LRP1B: variants seen among roughly 807,000 people sequenced by gnomAD.
LRP1B encodes the protein LDL receptor related protein 1B, also known as low-density lipoprotein receptor-related protein 1B.
A neutral mutation model predicts 556.6 loss-of-function variants in LRP1B; 217 were observed. That is an observed-to-expected ratio of 0.39 (90% CI 0.35 to 0.44). LRP1B has a LOEUF of 0.44. LRP1B is among the 20% of genes least tolerant of loss of function. The probability of loss-of-function intolerance (pLI) is 1.00; values close to 1 mark genes in which losing one functional copy is unlikely to be tolerated. For missense variants in LRP1B, 5,053 were observed against 5,620.8 expected (o/e 0.90, Z 3.23); for synonymous variants, 2,047 against 1,865.8 (o/e 1.10, Z -2.50).
chr2:141,891,150 A>C (rs971330884), intron 1 of LRP1B, among the ~76,000 whole-genome samples: 1 of 152,038 alleles, frequency 6.6e-6, no homozygotes, highest in South Asian at 2.1e-4. Flanking sequence ...CCTTTTTTTT[A>C]AACAACTTTT....
intron 3 of LRP1B, among the ~76,000 whole-genome samples, chr2:141,432,365 T>G (rs745871485): frequency 6.6e-6 from 1 of 152,124 alleles, no homozygotes; most frequent in Admixed American, 6.6e-5. Context: ...GATTTTTGCC[T>G]CTATATTCAT....
At chr2:141,426,688 G>A (rs183059140) in intron 3 of LRP1B, among the ~76,000 whole-genome samples, 114 of 152,244 alleles carry the variant, frequency 7.5e-4, no homozygotes, top group Admixed American at 6.7e-3. Context: ...CATTTCAAAG[G>A]TGAAGTACTT....
intron 2 of LRP1B, among the ~76,000 whole-genome samples, chr2:141,602,773 CTTTAA>C (rs1217455498): frequency 6.6e-6 from 1 of 152,076 alleles, no homozygotes; most frequent in African/African-American, 2.4e-5. Context: ...ACTGTTTTTA[CTTTAA>C]AAGATAATTT....
chr2:141,756,973 A>G (rs1159974656), intron 2 of LRP1B, among the ~76,000 whole-genome samples: 1 of 152,140 alleles, frequency 6.6e-6, no homozygotes, highest in Non-Finnish European at 1.5e-5. Context: ...GCAAATACAC[A>G]CAAATATGTA....
chr2:141,411,683 C>T (rs1690857900), intron 3 of LRP1B, among the ~76,000 whole-genome samples: 1 of 152,220 alleles, frequency 6.6e-6, no homozygotes, highest in East Asian at 1.9e-4. Flanking sequence ...GTTGAAACAA[C>T]AAATTCACTT....
chr2:141,668,617 G>C lies in LRP1B; in HGVS notation c.205+141662C>G, dbSNP rs190846691. 9.9e-4 allele frequency among the ~76,000 whole-genome samples: 150 copies of C among 152,208 alleles called. 1 individual carries two copies. Among genetic ancestry groups the C allele is most frequent in the African/African-American group, 3.4e-3 (143 of 41,528 alleles). ...ATCTTCCCACTCTATCCTCTTTCCA[G>C]CTCCCTGTCCATCTCACTGAGAGCC... On this transcript the variant is annotated intron_variant, in intron 2 of 90. Coordinates refer to ENST00000389484, the MANE Select transcript of LRP1B (RefSeq NM_018557.3).
At chr2:140,313,627 T>C (rs957757562) in intron 83 of LRP1B, among the ~76,000 whole-genome samples, 9 of 151,886 alleles carry the variant, frequency 5.9e-5, no homozygotes, top group Admixed American at 2.0e-4. Context: ...AATTAAATAA[T>C]AAAATTTCCA....
chr2:140,996,217 CATT>C (rs1697241223), intron 15 of LRP1B, among the ~76,000 whole-genome samples: 1 of 151,920 alleles, frequency 6.6e-6, no homozygotes, highest in South Asian at 2.1e-4. Flanking sequence ...CGTAAGGCAT[CATT>C]AATTGTAATA....
intron 3 of LRP1B, among the ~76,000 whole-genome samples, chr2:141,356,655 A>G (rs1262998107): frequency 6.6e-6 from 1 of 151,922 alleles, no homozygotes; most frequent in Non-Finnish European, 1.5e-5. Context: ...TCAAATAAAT[A>G]CCTTGGCTAA....
intron 5 of LRP1B, among the ~76,000 whole-genome samples, chr2:141,246,746 C>T (rs1266434143): frequency 1.3e-5 from 2 of 152,132 alleles, no homozygotes; most frequent in African/African-American, 2.4e-5. Context: ...GGGTGAATCG[C>T]CTGAGGCCAG....
chr2:140,322,098 C>T lies in LRP1B; in HGVS notation c.12515-10G>A. Reference sequence around the variant, plus strand: ...AAGCATGGATTGGGTACTGGTGAAACAAAAGAAAACAAAGAAGTGTGTAAA... The same window carrying T: ...AAGCATGGATTGGGTACTGGTGAAATAAAAGAAAACAAAGAAGTGTGTAAA... On this transcript the variant is annotated splice_polypyrimidine_tract_variant and intron_variant, in intron 81 of 90. Transcript: ENST00000389484. 6.2e-7 allele frequency: 1 copy of T among 1,607,320 alleles called. No homozygotes were observed. The highest frequency in any genetic ancestry group is 8.5e-7 in the Non-Finnish European group (1 of 1,177,404).
At chr2:140,444,222 C>T in intron 65 of LRP1B, 108 bp downstream of exon 65, 1 of 1,188,804 alleles carries the variant, frequency 8.4e-7, no homozygotes, top group Non-Finnish European at 1.2e-6. Context: ...ACCATAATTT[C>T]TTTTCAATTT....
intron 2 of LRP1B, among the ~76,000 whole-genome samples, chr2:141,528,679 T>A (rs1559122948): frequency 6.6e-6 from 1 of 152,170 alleles, no homozygotes; most frequent in Non-Finnish European, 1.5e-5. Flanking sequence ...TAGGACTTTA[T>A]CATCTGAATT....
In LRP1B at chr2:141,055,080, G is replaced by T. The variant is rs1368553306; in HGVS notation, c.1552+36C>A. 5 of 1,607,888 alleles carry T rather than the reference G, an allele frequency of 3.1e-6. No individual in the cohort carries two copies. The African/African-American group carries it at 4.0e-5, about 13-fold the overall frequency. On this transcript the variant is annotated intron_variant, in intron 10 of 90. Coordinates refer to ENST00000389484, the MANE Select transcript of LRP1B (RefSeq NM_018557.3). ...ATACTTAAAATCCTATTCTAAAGGG[G>T]TAGCTGCTGGCAAATGTTTTATTTT...
At chr2:141,562,628 G>A (rs1443923201) in intron 2 of LRP1B, among the ~76,000 whole-genome samples, 2 of 151,862 alleles carry the variant, frequency 1.3e-5, no homozygotes, top group African/African-American at 4.8e-5. Flanking sequence ...GGGTATTCCA[G>A]GCAGAGAAAG....
At chr2:141,510,391 C>G (rs1684083388) in intron 2 of LRP1B, among the ~76,000 whole-genome samples, 1 of 152,044 alleles carries the variant, frequency 6.6e-6, no homozygotes, top group Non-Finnish European at 1.5e-5. Context: ...TCCATTTGAG[C>G]ATTTATATCT....
At chr2:141,877,380 A>G (rs1698804473) in intron 1 of LRP1B, among the ~76,000 whole-genome samples, 1 of 151,962 alleles carries the variant, frequency 6.6e-6, no homozygotes, top group Admixed American at 6.6e-5. Flanking sequence ...CATCTATAAT[A>G]GGACCATTTG....
intron 3 of LRP1B, among the ~76,000 whole-genome samples, chr2:141,473,362 C>A (rs1428683534): frequency 6.6e-6 from 1 of 152,070 alleles, no homozygotes; most frequent in Non-Finnish European, 1.5e-5. Context: ...TCAATATAAA[C>A]AATAGTGGTA....
chr2:141,246,974 G>GA (rs1042655743), intron 5 of LRP1B, among the ~76,000 whole-genome samples: 6 of 150,838 alleles, frequency 4.0e-5, no homozygotes, highest in Non-Finnish European at 8.9e-5. Flanking sequence ...CCATCTCAAA[G>GA]AAAAAAAAGA....
Sources: gnomAD v4.1 joint callset for allele counts (sites outside exome capture counted in the v4.1 genomes callset) on GRCh38, gnomAD v4.1.1 for gene constraint, MANE v1.5 for transcripts, NCBI Gene and HGNC (gene_info 2026-07-23, HGNC 2026-07-21) for gene names.